Variants in CEP350 observed in about 807,000 individuals in gnomAD.
The protein encoded by CEP350 is centrosomal protein 350.
CEP350 carries 126 observed loss-of-function variants against 331.8 expected under a neutral mutation model. The ratio of observed to expected loss-of-function variants is 0.38; its 90% CI spans 0.33 to 0.44. CEP350 has a LOEUF of 0.44. Among genes scored for constraint, CEP350 ranks in the 20% least tolerant of loss-of-function variants. The pLI is 1.00. For synonymous variants in CEP350, 1,200 were observed against 1,259.5 expected (o/e 0.95, Z 1.00); for missense variants, 3,406 against 3,634.6 (o/e 0.94, Z 1.62).
chr1:180,073,379 A>G (rs1056132280), intron 27 of CEP350, among the ~76,000 whole-genome samples: 5 of 152,210 alleles, frequency 3.3e-5, no homozygotes, highest in Non-Finnish European at 7.4e-5. Context: ...GGTACAGATT[A>G]AAAATCACTT....
intron 7 of CEP350, among the ~76,000 whole-genome samples, chr1:180,004,023 A>G (rs548781861): frequency 6.6e-6 from 1 of 152,326 alleles, no homozygotes. Flanking sequence ...CTATTATTAT[A>G]CAACACTCTA....
chr1:180,005,129 A>G (rs1215034595), intron 7 of CEP350, among the ~76,000 whole-genome samples: 3 of 149,946 alleles, frequency 2.0e-5, no homozygotes, highest in Non-Finnish European at 3.0e-5. Context: ...GTCTAGTCTC[A>G]GGGCTTTAAA....
At chr1:180,001,107 G>T (rs1653841486) in intron 6 of CEP350, among the ~76,000 whole-genome samples, 1 of 151,968 alleles carries the variant, frequency 6.6e-6, no homozygotes, top group African/African-American at 2.4e-5. Flanking sequence ...TGATTTAATT[G>T]TGCAGTTATG....
At chr1:179,991,426 C>T (rs1306105137) in intron 4 of CEP350, among the ~76,000 whole-genome samples, 3 of 148,274 alleles carry the variant, frequency 2.0e-5, no homozygotes, top group Admixed American at 6.8e-5. Flanking sequence ...AAGCGATTCT[C>T]CTGAGTAGCC....
intron 1 of CEP350, among the ~76,000 whole-genome samples, chr1:179,985,794 C>T (rs1319584958): frequency 6.6e-6 from 1 of 152,162 alleles, no homozygotes; most frequent in African/African-American, 2.4e-5. Context: ...CTACCTGGTC[C>T]CGCCTATGAC....
chr1:179,963,577 C>T (rs1248480705), intron 1 of CEP350, among the ~76,000 whole-genome samples: 2 of 151,604 alleles, frequency 1.3e-5, no homozygotes, highest in African/African-American at 4.8e-5. Context: ...TTCTTTTTAG[C>T]ACTGTTTATT....
At chr1:180,100,530 T>C (rs2149164255) in intron 37 of CEP350, among the ~76,000 whole-genome samples, 1 of 152,324 alleles carries the variant, frequency 6.6e-6, no homozygotes, top group Non-Finnish European at 1.5e-5. Context: ...AAAATTGTGC[T>C]AATTAAGGAC....
intron 14 of CEP350, among the ~76,000 whole-genome samples, chr1:180,030,549 G>T (rs1192064572): frequency 6.6e-6 from 1 of 151,768 alleles, no homozygotes; most frequent in Non-Finnish European, 1.5e-5. Flanking sequence ...TTCTGCTGTT[G>T]ATCAGAGCAG....
rs77843892 is a variant in CEP350 at position 180,092,841 on chromosome 1, G to C, written c.6736G>C (p.Asp2246His). Residue 2246 changes from aspartate to histidine, a missense_variant, in exon 34 of 38, where the codon GAT becomes CAT. By Grantham distance (81) the Asp-to-His change is moderately conservative. Coordinates refer to ENST00000367607, the MANE Select transcript of CEP350 (RefSeq NM_014810.5). ...NATSRILDMS[D>H]GKVGESSKKS... ...CACTAGTAGAATTCTTGATATGTCA[G>C]ATGGCAAGGTTGGAGAATCTAGTAA... The C allele has an allele frequency of 2.0e-3, 3,107 of 1,569,326 alleles. 4 individuals carry two copies. The highest frequency in any genetic ancestry group is 2.2e-3 in the Non-Finnish European group (2,562 of 1,155,746).
At chr1:180,016,235 C>T (rs1266673570) in intron 11 of CEP350, among the ~76,000 whole-genome samples, 1 of 152,212 alleles carries the variant, frequency 6.6e-6, no homozygotes, top group East Asian at 1.9e-4. Flanking sequence ...GAACTAAACA[C>T]ACAATAAAAG....
intron 37 of CEP350, among the ~76,000 whole-genome samples, chr1:180,109,559 T>G (rs1055065189): frequency 1.3e-5 from 2 of 152,194 alleles, no homozygotes; most frequent in Admixed American, 6.5e-5. Flanking sequence ...TAACTTGAGA[T>G]CAGGGTTCAC....
At chr1:179,978,894 A>G (rs1652071385) in intron 1 of CEP350, among the ~76,000 whole-genome samples, 1 of 151,926 alleles carries the variant, frequency 6.6e-6, no homozygotes, top group Non-Finnish European at 1.5e-5. Context: ...ACTCCAGTCT[A>G]TTTTTGTCAT....
intron 37 of CEP350, among the ~76,000 whole-genome samples, chr1:180,103,856 A>T (rs1660975503): frequency 6.6e-6 from 1 of 151,212 alleles, no homozygotes; most frequent in South Asian, 2.1e-4. Context: ...ACTATTTGTT[A>T]CTTAGGATTT....
chr1:180,041,556 G>GT, intron 18 of CEP350, 106 bp from the exon 19 acceptor site: 2 of 1,126,506 alleles, frequency 1.8e-6, no homozygotes, highest in Non-Finnish European at 2.5e-6. Flanking sequence ...GTAGTAAAGT[G>GT]TTTTTTACTA....
At chr1:179,961,414 C>T (rs1188911883) in intron 1 of CEP350, among the ~76,000 whole-genome samples, 3 of 152,120 alleles carry the variant, frequency 2.0e-5, no homozygotes, top group Non-Finnish European at 4.4e-5. Context: ...CGTCACTGCA[C>T]TCCAGCCAGG....
At chr1:180,109,973 T>C (rs1661387810) in intron 37 of CEP350, among the ~76,000 whole-genome samples, 2 of 152,206 alleles carry the variant, frequency 1.3e-5, no homozygotes, top group African/African-American at 2.4e-5. Context: ...TAGGTTTTTT[T>C]CCCATGTATT....
chr1:180,074,597 T>C (rs1659103977), intron 27 of CEP350, among the ~76,000 whole-genome samples: 1 of 152,176 alleles, frequency 6.6e-6, no homozygotes, highest in Non-Finnish European at 1.5e-5. Flanking sequence ...TTGGGGTTTG[T>C]TTTTTATTGT....
intron 31 of CEP350, among the ~76,000 whole-genome samples, chr1:180,085,181 C>T (rs189006779): frequency 2.7e-3 from 412 of 151,764 alleles, no homozygotes; most frequent in African/African-American, 9.4e-3. Flanking sequence ...GCCACACAAC[C>T]TATTAAATAG....
chr1:180,089,227 C>T (rs1660029697), intron 32 of CEP350, among the ~76,000 whole-genome samples: 1 of 152,030 alleles, frequency 6.6e-6, no homozygotes, highest in Non-Finnish European at 1.5e-5. Context: ...TAAGCCAGAC[C>T]TCAAGTAAGC....
Sources: gnomAD v4.1 joint callset for allele counts (sites outside exome capture counted in the v4.1 genomes callset) on GRCh38, gnomAD v4.1.1 for gene constraint, MANE v1.5 for transcripts, NCBI Gene and HGNC (gene_info 2026-07-23, HGNC 2026-07-21) for gene names.